Variants in PIEZO2 observed in about 807,000 individuals in gnomAD.
PIEZO2 encodes the protein piezo-type mechanosensitive ion channel component 2.
Under a neutral mutation model 337.3 loss-of-function variants are expected in PIEZO2, and 172 were observed. The ratio of observed to expected loss-of-function variants is 0.51; its 90% CI spans 0.45 to 0.58. The LOEUF (loss-of-function observed/expected upper bound fraction) is 0.58. Among genes scored for constraint, PIEZO2 ranks in the 20% least tolerant of loss-of-function variants. The probability of loss-of-function intolerance (pLI) is 0.00; values close to 1 mark genes in which losing one functional copy is unlikely to be tolerated. For missense variants in PIEZO2, 3,028 were observed against 3,391.3 expected, an observed-to-expected ratio of 0.89 and a Z score of 2.66; for synonymous variants, 1,251 against 1,228.5, an observed-to-expected ratio of 1.02 and a Z score of -0.38.
chr18:11,107,058 T>C (rs988146894), intron 1 of PIEZO2, among the ~76,000 whole-genome samples: 11 of 152,208 alleles, frequency 7.2e-5, no homozygotes, highest in African/African-American at 2.7e-4. Flanking sequence ...CACTTCTTTC[T>C]CTGATCTCAA....
intron 18 of PIEZO2, among the ~76,000 whole-genome samples, chr18:10,778,663 CAA>C (rs1169622107): frequency 6.6e-6 from 1 of 152,144 alleles, no homozygotes; most frequent in Non-Finnish European, 1.5e-5. Flanking sequence ...TATATTCACA[CAA>C]AAATAGGAGA....
chr18:10,726,681 A>T lies in PIEZO2; in HGVS notation c.5029+4726T>A, dbSNP rs774102239. On this transcript the variant is annotated intron_variant, in intron 36 of 55. Coordinates refer to ENST00000674853, the MANE Select transcript of PIEZO2 (RefSeq NM_001378183.1). This position sits in a 1 kb window ranked among gnomAD's most constrained non-coding sequence, Gnocchi z 5.9. ...AGACAGACACCTCGCTGCCAAGTTA[A>T]TTCAGCAAGGACCAGGTGTACCTGA... is the stretch of plus-strand genomic sequence containing the variant. 8 of 1,427,722 alleles carry T rather than the reference A, an allele frequency of 5.6e-6. No homozygotes were observed. The highest frequency in any genetic ancestry group is 7.7e-6 in the Non-Finnish European group (8 of 1,034,160). 88.4% of individuals were successfully genotyped at this position (1,427,722 alleles called of 1,614,324 possible).
intron 49 of PIEZO2, among the ~76,000 whole-genome samples, chr18:10,684,204 C>T (rs563476410): frequency 4.5e-4 from 52 of 114,854 alleles, no homozygotes; most frequent in East Asian, 1.7e-3. Flanking sequence ...CTTGCTCTGT[C>T]GCCCAGGCTG....
chr18:10,801,304 T>C, intron 10 of PIEZO2, 86 bp downstream of exon 10: 1 of 1,210,846 alleles, frequency 8.3e-7, no homozygotes, highest in Non-Finnish European at 1.1e-6. Flanking sequence ...AATAGATCAT[T>C]AAAATAGACT....
At chr18:11,145,391 C>A (rs149905931) in intron 1 of PIEZO2, among the ~76,000 whole-genome samples, 5 of 152,142 alleles carry the variant, frequency 3.3e-5, no homozygotes, top group Admixed American at 6.5e-5. Context: ...ATATTAAACA[C>A]AATAGCAGTT....
chr18:10,785,655 T>C (rs143804323), intron 16 of PIEZO2, among the ~76,000 whole-genome samples: 1 of 152,222 alleles, frequency 6.6e-6, no homozygotes, highest in Non-Finnish European at 1.5e-5. Context: ...GTTCTTTTCT[T>C]TCATATCTCA....
chr18:10,893,647 T>G (rs1192952010), intron 4 of PIEZO2: 1 of 152,190 alleles, frequency 6.6e-6, no homozygotes, highest in Non-Finnish European at 1.5e-5. Context: ...ACTTCATCAT[T>G]CATGCTCATC....
Position 10,953,505 on chromosome 18 carries a change from A to G in PIEZO2, c.286+26030T>C, listed in dbSNP as rs552148937. On this transcript the variant is annotated intron_variant, in intron 3 of 55. Coordinates refer to ENST00000674853, the MANE Select transcript of PIEZO2 (RefSeq NM_001378183.1). This position sits in a 1 kb window ranked among gnomAD's most constrained non-coding sequence, Gnocchi z 5.2. The stretch of plus-strand genomic sequence containing the variant: ...GTTGAAAAGTGTATTCTTTCTTCAC[A>G]AAATTGAATTTGTATCTCTATGGAA... Among the ~76,000 whole-genome samples, 1 of 152,302 alleles carries G rather than the reference A, an allele frequency of 6.6e-6. No individual in the cohort carries two copies. Among genetic ancestry groups the G allele is most frequent in the South Asian group, 2.1e-4 (1 of 4,816 alleles).
chr18:10,910,816 C>G (rs2030413936), intron 4 of PIEZO2, among the ~76,000 whole-genome samples: 1 of 151,982 alleles, frequency 6.6e-6, no homozygotes, highest in Non-Finnish European at 1.5e-5. Context: ...GAAATATAAA[C>G]TTTTCTGTTC....
chr18:10,698,015 C>CA, intron 44 of PIEZO2, 135 bp from the exon 45 acceptor site: 9 of 132,106 alleles, frequency 6.8e-5, no homozygotes, highest in South Asian at 1.4e-4. Context: ...GTATGCACGG[C>CA]CTTGGGATTT....
intron 2 of PIEZO2, among the ~76,000 whole-genome samples, chr18:11,012,823 T>G (rs72870623): frequency 0.16 from 24,184 of 152,144 alleles, 2,042 homozygotes; most frequent in Admixed American, 0.22. Context: ...GGTGGAAAGA[T>G]CACTTGAGCC....
At chr18:10,786,551 A>C (rs1264593079) in intron 16 of PIEZO2, among the ~76,000 whole-genome samples, 1 of 152,250 alleles carries the variant, frequency 6.6e-6, no homozygotes, top group Non-Finnish European at 1.5e-5. Context: ...AAATTAGAGA[A>C]GGATAGAGCA....
chr18:10,851,785 A>G (rs1212329471), intron 7 of PIEZO2, among the ~76,000 whole-genome samples: 3 of 152,210 alleles, frequency 2.0e-5, no homozygotes, highest in Admixed American at 2.0e-4. Flanking sequence ...CTGATTTCAC[A>G]TTATAATGAC....
rs1454810753 is a variant in PIEZO2 at position 10,899,064 on chromosome 18, A to T, written c.329+12122T>A. ...TCCAGGCAACGGGATTGCACTGGAC[A>T]CATAAGAAGACCCCAGTGGGGCCTG... is the stretch of plus-strand genomic sequence containing the variant. On this transcript the variant is annotated intron_variant, in intron 4 of 55. Coordinates refer to ENST00000674853, the MANE Select transcript of PIEZO2 (RefSeq NM_001378183.1). The surrounding 1 kb of genome is among the most constrained non-coding windows in gnomAD (Gnocchi z 4.6). 6.6e-6 allele frequency among the ~76,000 whole-genome samples: 1 copy of T among 152,210 alleles called. No homozygotes were observed. The highest frequency in any genetic ancestry group is 1.5e-5 in the Non-Finnish European group (1 of 68,026).
rs184769679 is a variant in PIEZO2, at chr18:11,083,262, G to A, written c.65-17040C>T. 3.5e-4 allele frequency among the ~76,000 whole-genome samples: 53 copies of A among 152,318 alleles called. No individual in the cohort carries two copies. The highest frequency in any genetic ancestry group is 1.8e-3 in the Admixed American group (28 of 15,310). ...CTTAAATGTTTTAACTTCATTTTAT[G>A]TCCAGCTACTCTAAAAAGCTACTTT... On this transcript the variant is annotated intron_variant, in intron 1 of 55. Coordinates refer to ENST00000674853, the MANE Select transcript of PIEZO2 (RefSeq NM_001378183.1). The surrounding 1 kb of genome is among the most constrained non-coding windows in gnomAD (Gnocchi z 4.4).
At chr18:11,115,992 A>C (rs1243923664) in intron 1 of PIEZO2, among the ~76,000 whole-genome samples, 4 of 152,206 alleles carry the variant, frequency 2.6e-5, no homozygotes, top group Admixed American at 2.6e-4. Flanking sequence ...AGATAGTTTT[A>C]AGTTTTAACT....
intron 3 of PIEZO2, among the ~76,000 whole-genome samples, chr18:10,976,953 G>A (rs574805214): frequency 4.7e-5 from 7 of 149,948 alleles, no homozygotes; most frequent in Admixed American, 4.7e-4. Flanking sequence ...AAGTGTCCAG[G>A]TATTGTGACT....
At chr18:11,037,078 G>C (rs142464858) in intron 2 of PIEZO2, among the ~76,000 whole-genome samples, 2,005 of 152,208 alleles carry the variant, frequency 0.013, 57 homozygotes, top group African/African-American at 0.045. Context: ...GAGTCTCCTG[G>C]CTCAGCCTCC....
intron 1 of PIEZO2, among the ~76,000 whole-genome samples, chr18:11,108,035 A>G (rs1401705544): frequency 6.6e-6 from 1 of 152,218 alleles, no homozygotes; most frequent in Non-Finnish European, 1.5e-5. Flanking sequence ...ATCCTCATTC[A>G]CTAGTATTTG....
Sources: gnomAD v4.1 joint callset for allele counts (sites outside exome capture counted in the v4.1 genomes callset) on GRCh38, gnomAD v4.1.1 for gene constraint, Gnocchi (gnomAD v3.1) non-coding constraint, MANE v1.5 for transcripts, NCBI Gene and HGNC (gene_info 2026-07-23, HGNC 2026-07-21) for gene names.